Variants in LMX1B observed in about 807,000 individuals in gnomAD.
LMX1B encodes the protein LIM homeobox transcription factor 1 beta, also known as LIM homeobox transcription factor 1-beta.
LMX1B carries 12 observed loss-of-function variants against 51.4 expected under a neutral mutation model. The observed-to-expected ratio is 0.23, with a 90% CI of 0.15 to 0.38. The LOEUF is 0.38. LMX1B is among the 10% of genes least tolerant of loss of function. LMX1B has a pLI of 1.00. For missense variants in LMX1B, 445 were observed against 571.1 expected, an observed-to-expected ratio of 0.78 and a Z score of 2.25; for synonymous variants, 237 against 235.4, an observed-to-expected ratio of 1.01 and a Z score of -0.06.
intron 2 of LMX1B, among the ~76,000 whole-genome samples, chr9:126,659,191 T>G (rs902524455): frequency 5.9e-5 from 9 of 152,046 alleles, no homozygotes; most frequent in Admixed American, 3.3e-4. Flanking sequence ...CCATAGAGAG[T>G]GACAGCTTCA....
chr9:126,679,383 G>C (rs535593075), intron 2 of LMX1B, among the ~76,000 whole-genome samples: 1 of 152,090 alleles, frequency 6.6e-6, no homozygotes, highest in Non-Finnish European at 1.5e-5. Flanking sequence ...TGGGTAGCTG[G>C]TTGAGAGGGT....
intron 6 of LMX1B, among the ~76,000 whole-genome samples, chr9:126,694,916 C>T (rs1222783254): frequency 2.0e-5 from 3 of 152,124 alleles, no homozygotes; most frequent in Non-Finnish European, 4.4e-5. Flanking sequence ...ATGCCGTATG[C>T]TCCATCCTGC....
intron 2 of LMX1B, among the ~76,000 whole-genome samples, chr9:126,657,674 T>C (rs1310178978): frequency 6.6e-6 from 1 of 152,170 alleles, no homozygotes; most frequent in Non-Finnish European, 1.5e-5. Context: ...GTTTTGGAAG[T>C]GGGAGAATCT....
At chr9:126,635,360 C>T (rs1056245354) in intron 2 of LMX1B, among the ~76,000 whole-genome samples, 3 of 152,216 alleles carry the variant, frequency 2.0e-5, no homozygotes, top group Admixed American at 6.5e-5. Flanking sequence ...ATAGAGGAGG[C>T]GGGCACGAGA....
At chr9:126,691,385 C>T (rs2030125831) in intron 3 of LMX1B, among the ~76,000 whole-genome samples, 1 of 152,138 alleles carries the variant, frequency 6.6e-6, no homozygotes, top group Admixed American at 6.5e-5. Flanking sequence ...GATACATGTA[C>T]ATGTATGTGG....
intron 2 of LMX1B, among the ~76,000 whole-genome samples, chr9:126,676,048 CAA>C (rs34471786): frequency 0.02 from 1,610 of 82,458 alleles, 32 homozygotes; most frequent in African/African-American, 0.053. Flanking sequence ...GACTCCGTCT[CAA>C]AAAAAAAAAA....
chr9:126,677,004 C>T lies in LMX1B; in HGVS notation c.327-13832C>T, dbSNP rs565441383. On this transcript the variant is annotated intron_variant, in intron 2 of 7. Coordinates refer to ENST00000373474, the MANE Select transcript of LMX1B (RefSeq NM_001174147.2). The surrounding 1 kb of genome is among the most constrained non-coding windows in gnomAD (Gnocchi z 5.0). ...CCATTACTATGCTAATGCGGCCGGG[C>T]GGGCGGTGATTAAGCGGCTCAGGCA... Among the ~76,000 whole-genome samples, 104 of 152,302 alleles carry T rather than the reference C, an allele frequency of 6.8e-4. No individual in the cohort carries two copies. The highest frequency in any genetic ancestry group is 3.5e-3 in the South Asian group (17 of 4,816).
intron 2 of LMX1B, among the ~76,000 whole-genome samples, chr9:126,655,307 G>C (rs898722767): frequency 6.6e-6 from 1 of 152,178 alleles, no homozygotes; most frequent in African/African-American, 2.4e-5. Context: ...GGCATCTGAG[G>C]GTCCTGGCTG....
intron 2 of LMX1B, among the ~76,000 whole-genome samples, chr9:126,679,071 A>G (rs1328640484): frequency 1.3e-5 from 2 of 152,160 alleles, no homozygotes; most frequent in South Asian, 2.1e-4. Flanking sequence ...CTCCGCTCGC[A>G]TGGAATACCT....
intron 2 of LMX1B, among the ~76,000 whole-genome samples, chr9:126,642,081 G>C (rs1835819040): frequency 6.6e-6 from 1 of 152,100 alleles, no homozygotes; most frequent in Admixed American, 6.5e-5. Flanking sequence ...GTGTCTCGTG[G>C]CACCTAATGC....
chr9:126,686,531 G>A (rs1032119594), intron 2 of LMX1B, among the ~76,000 whole-genome samples: 1 of 152,212 alleles, frequency 6.6e-6, no homozygotes, highest in Non-Finnish European at 1.5e-5. Flanking sequence ...GGGGAAAAAT[G>A]TGTTTGGAGG....
At position 126,618,457 on chromosome 9, in the gene LMX1B, G is replaced by A. The variant is rs1001321124; in HGVS notation, c.326+2888G>A. Among the ~76,000 whole-genome samples the A allele has an allele frequency of 3.3e-5, 5 of 152,158 alleles. No homozygotes were observed. The highest frequency in any genetic ancestry group is 9.7e-5 in the African/African-American group (4 of 41,428). On this transcript the variant is annotated intron_variant, in intron 2 of 7. Transcript: ENST00000373474. The surrounding 1 kb of genome is among the most constrained non-coding windows in gnomAD (Gnocchi z 4.5). ...TGGCGGGCAGAGCAGAGCGCCGGCC[G>A]TGGAGTTTGGGCATTTTCACTCTTA...
At position 126,697,671 on chromosome 9, in the gene LMX1B, C is replaced by T. The variant is rs2030389537; in HGVS notation, c.*1220C>T. On this transcript the variant is annotated 3_prime_UTR_variant, in exon 8 of 8. Transcript: ENST00000373474. ...GAAGTGAGCAGGCACATCACCTCTC[C>T]TGCTGTGGCACCCTTCCTCTGTTAA... 1 of 152,410 alleles carries T rather than the reference C, an allele frequency of 6.6e-6. No individual in the cohort carries two copies. Among genetic ancestry groups the T allele is most frequent in the Non-Finnish European group, 1.5e-5 (1 of 68,198 alleles). 9.4% of individuals were successfully genotyped at this position (152,410 alleles called of 1,614,324 possible).
intron 2 of LMX1B, among the ~76,000 whole-genome samples, chr9:126,670,006 G>A (rs1435596368): frequency 6.6e-6 from 1 of 152,186 alleles, no homozygotes; most frequent in East Asian, 1.9e-4. Flanking sequence ...GGACAACTAG[G>A]GGTGAGGTCA....
chr9:126,634,769 A>G (rs1835686958), intron 2 of LMX1B, among the ~76,000 whole-genome samples: 1 of 152,188 alleles, frequency 6.6e-6, no homozygotes, highest in Admixed American at 6.5e-5. Flanking sequence ...CTGCGAGTGT[A>G]CCTGGAAGAA....
At chr9:126,638,436 G>A (rs962622942) in intron 2 of LMX1B, among the ~76,000 whole-genome samples, 1 of 152,168 alleles carries the variant, frequency 6.6e-6, no homozygotes, top group Non-Finnish European at 1.5e-5. Flanking sequence ...TGCCCTGCCC[G>A]CAGCCCTGCC....
chr9:126,653,967 T>A (rs930106591), intron 2 of LMX1B, among the ~76,000 whole-genome samples: 1 of 152,130 alleles, frequency 6.6e-6, no homozygotes, highest in African/African-American at 2.4e-5. Flanking sequence ...CTTCTCTCCA[T>A]TGGACCTGGA....
intron 2 of LMX1B, among the ~76,000 whole-genome samples, chr9:126,668,905 C>G (rs763334204): frequency 6.6e-6 from 1 of 152,248 alleles, no homozygotes; most frequent in African/African-American, 2.4e-5. Flanking sequence ...GAACCTGGCT[C>G]TTTGTATCCA....
intron 2 of LMX1B, among the ~76,000 whole-genome samples, chr9:126,672,627 T>C (rs1194965073): frequency 6.6e-6 from 1 of 152,056 alleles, no homozygotes; most frequent in African/African-American, 2.4e-5. Context: ...GCCCAGGAAT[T>C]TACAATCCGT....
Sources: allele counts gnomAD v4.1 joint callset (sites outside exome capture counted in the v4.1 genomes callset), GRCh38; gene constraint gnomAD v4.1.1; non-coding constraint Gnocchi (gnomAD v3.1); transcripts MANE v1.5; gene names NCBI Gene and HGNC (gene_info 2026-07-23, HGNC 2026-07-21).